Variants in TLK1 observed in about 807,000 individuals in gnomAD.
The protein encoded by TLK1 is serine/threonine-protein kinase tousled-like 1.
In TLK1, 24 loss-of-function variants were observed where a neutral mutation model predicts 105.3. That is an observed-to-expected ratio of 0.23 (90% CI 0.17 to 0.32). The LOEUF is 0.32. TLK1 is among the 10% of genes least tolerant of loss of function. The probability of loss-of-function intolerance (pLI) is 1.00; values close to 1 mark genes in which losing one functional copy is unlikely to be tolerated. For missense variants in TLK1, 558 were observed against 910.5 expected (o/e 0.61, Z 4.98); for synonymous variants, 321 against 310.4 (o/e 1.03, Z -0.36).
chr2:171,047,457 G>C (rs755354208), intron 10 of TLK1, among the ~76,000 whole-genome samples: 19 of 152,104 alleles, frequency 1.2e-4, no homozygotes, highest in Non-Finnish European at 2.4e-4. Context: ...ATGCAGAATT[G>C]ACCTTACACA....
At chr2:171,022,414 C>A (rs553577687) in intron 12 of TLK1, among the ~76,000 whole-genome samples, 2 of 151,334 alleles carry the variant, frequency 1.3e-5, no homozygotes, top group Middle Eastern at 7.1e-3. Flanking sequence ...CTTCTTGGCA[C>A]CTTTCTTGCA....
At chr2:171,023,501 C>T (rs1685629570) in intron 12 of TLK1, among the ~76,000 whole-genome samples, 1 of 152,054 alleles carries the variant, frequency 6.6e-6, no homozygotes, top group African/African-American at 2.4e-5. Context: ...TGAGATGTCA[C>T]ACTTTCTAAA....
chr2:171,199,656 G>C (rs1257377160), intron 1 of TLK1, among the ~76,000 whole-genome samples: 1 of 152,132 alleles, frequency 6.6e-6, no homozygotes, highest in African/African-American at 2.4e-5. Context: ...TTTGGGATGG[G>C]GCACAGTCAA....
intron 1 of TLK1, among the ~76,000 whole-genome samples, chr2:171,202,941 T>TA (rs766506959): frequency 6.6e-6 from 1 of 152,176 alleles, no homozygotes; most frequent in Non-Finnish European, 1.5e-5. Context: ...GAATGGTTTT[T>TA]AGCATCTTTT....
At chr2:171,093,292 G>A (rs1030664753) in intron 2 of TLK1, among the ~76,000 whole-genome samples, 2 of 152,154 alleles carry the variant, frequency 1.3e-5, no homozygotes, top group East Asian at 3.9e-4. Context: ...GAAAAATTTT[G>A]TCTAGGTACA....
At chr2:171,150,749 T>C (rs991766520) in intron 1 of TLK1, among the ~76,000 whole-genome samples, 5 of 152,204 alleles carry the variant, frequency 3.3e-5, no homozygotes, top group Non-Finnish European at 5.9e-5. Flanking sequence ...CAACCTTGGA[T>C]CTAGCTGTTT....
At chr2:171,193,646 C>G (rs185798143) in intron 1 of TLK1, among the ~76,000 whole-genome samples, 2,230 of 150,976 alleles carry the variant, frequency 0.015, 30 homozygotes, top group Non-Finnish European at 0.022. Flanking sequence ...CGTGATCCGC[C>G]CGCCTCAGCC....
At chr2:171,050,711 G>A (rs1377079198) in intron 8 of TLK1, among the ~76,000 whole-genome samples, 1 of 152,126 alleles carries the variant, frequency 6.6e-6, no homozygotes, top group African/African-American at 2.4e-5. Context: ...TTAGCAATAG[G>A]ATACTAATTC....
chr2:171,041,382 T>A (rs1267149011), intron 11 of TLK1, among the ~76,000 whole-genome samples: 1 of 152,202 alleles, frequency 6.6e-6, no homozygotes, highest in East Asian at 1.9e-4. Flanking sequence ...TCCACATCTG[T>A]CTGACTACAG....
chr2:171,119,354 C>T (rs1690558855), intron 1 of TLK1, among the ~76,000 whole-genome samples: 1 of 152,124 alleles, frequency 6.6e-6, no homozygotes, highest in Non-Finnish European at 1.5e-5. Flanking sequence ...CACACCTGTT[C>T]CCCCCACCAC....
At chr2:171,001,480 A>G (rs1340858082) in intron 18 of TLK1, among the ~76,000 whole-genome samples, 1 of 152,202 alleles carries the variant, frequency 6.6e-6, no homozygotes, top group African/African-American at 2.4e-5. Context: ...CCAATTGTCC[A>G]GGCCTCCTTG....
At chr2:171,145,604 A>G (rs13017328) in intron 1 of TLK1, among the ~76,000 whole-genome samples, 1 of 151,044 alleles carries the variant, frequency 6.6e-6, no homozygotes, top group East Asian at 1.9e-4. Context: ...AAAAAAAAAC[A>G]AAAAACAAAT....
At chr2:171,122,171 G>T (rs2105538675) in intron 1 of TLK1, among the ~76,000 whole-genome samples, 1 of 151,900 alleles carries the variant, frequency 6.6e-6, no homozygotes, top group Admixed American at 6.6e-5. Context: ...GCACCATGTT[G>T]GCCAGGATGG....
At chr2:171,079,769 A>G (rs1377170512) in intron 3 of TLK1, among the ~76,000 whole-genome samples, 1 of 152,234 alleles carries the variant, frequency 6.6e-6, no homozygotes. Flanking sequence ...TGACAATTGG[A>G]TGCTTTCCAG....
chr2:171,204,523 T>A (rs1344629998), intron 1 of TLK1, among the ~76,000 whole-genome samples: 1 of 151,066 alleles, frequency 6.6e-6, no homozygotes, highest in African/African-American at 2.4e-5. Context: ...GCAGGCCTGG[T>A]CAACTTGTGT....
At chr2:171,110,019 T>C (rs1690092130) in intron 2 of TLK1, among the ~76,000 whole-genome samples, 3 of 152,158 alleles carry the variant, frequency 2.0e-5, no homozygotes, top group Admixed American at 2.0e-4. Context: ...AGAAGAAAAC[T>C]CTCTGGAGGG....
At chr2:171,181,177 A>T (rs1471382687) in intron 1 of TLK1, among the ~76,000 whole-genome samples, 1 of 152,232 alleles carries the variant, frequency 6.6e-6, no homozygotes, top group Non-Finnish European at 1.5e-5. Flanking sequence ...ACAAAACTTC[A>T]AAGTTGGTAG....
At position 171,107,347 on chromosome 2, in the gene TLK1, T is replaced by C. The variant is rs145510770; in HGVS notation, c.258+10392A>G. ...ATAACTAATCTATGGGGTAAAACATTAGGACTCTGTAAGTATACTGCTCTT... is the reference window on the plus strand; with the variant it reads ...ATAACTAATCTATGGGGTAAAACATCAGGACTCTGTAAGTATACTGCTCTT... On this transcript the variant is annotated intron_variant, in intron 2 of 20. Coordinates refer to ENST00000431350, the MANE Select transcript of TLK1 (RefSeq NM_012290.5). 4.0e-3 allele frequency among the ~76,000 whole-genome samples: 610 copies of C among 152,286 alleles called. 6 individuals carry two copies. Among genetic ancestry groups the C allele is most frequent in the Middle Eastern group, 0.014 (4 of 294 alleles).
intron 11 of TLK1, among the ~76,000 whole-genome samples, chr2:171,035,080 C>T (rs1198367452): frequency 6.6e-6 from 1 of 152,066 alleles, no homozygotes; most frequent in Non-Finnish European, 1.5e-5. Flanking sequence ...GTGGCTCATG[C>T]CCGTAATCCC....
Sources: allele counts gnomAD v4.1 joint callset (sites outside exome capture counted in the v4.1 genomes callset), GRCh38; gene constraint gnomAD v4.1.1; transcripts MANE v1.5; gene names NCBI Gene and HGNC (gene_info 2026-07-23, HGNC 2026-07-21).